The following PIGN variants were observed in gnomAD, a reference collection of about 807,000 sequenced individuals.
PIGN encodes GPI ethanolamine phosphate transferase 1.
A neutral mutation model predicts 125.4 loss-of-function variants in PIGN; 117 were observed. That is an observed-to-expected ratio of 0.93 (90% CI 0.80 to 1.09). The LOEUF (loss-of-function observed/expected upper bound fraction) is 1.09, where lower values mean the gene tolerates loss of function less well. PIGN is among the 50% of genes least tolerant of loss of function. PIGN has a pLI of 0.00. For missense variants in PIGN, 1,075 were observed against 1,094.9 expected (o/e 0.98, Z 0.26); for synonymous variants, 392 against 377.8 (o/e 1.04, Z -0.44).
chr18:62,147,258 A>AC (rs1568228842), intron 8 of PIGN, among the ~76,000 whole-genome samples, 157 bp from the exon 9 acceptor site: 1 of 151,882 alleles, frequency 6.6e-6, no homozygotes, highest in African/African-American at 2.4e-5. Flanking sequence ...TGTTAAAATA[A>AC]TTTTTTCTCC....
intron 1 of PIGN, among the ~76,000 whole-genome samples, chr18:62,171,763 G>A (rs1203192857): frequency 6.6e-6 from 1 of 152,114 alleles, no homozygotes; most frequent in Non-Finnish European, 1.5e-5. Context: ...TGTTAATGTG[G>A]TGAATTAATA....
chr18:62,120,311 A>G (rs1288009380), intron 14 of PIGN, among the ~76,000 whole-genome samples: 2 of 152,230 alleles, frequency 1.3e-5, no homozygotes, highest in Non-Finnish European at 2.9e-5. Context: ...TTCTGAAAGA[A>G]AATAACTGAC....
intron 11 of PIGN, among the ~76,000 whole-genome samples, chr18:62,141,675 T>C (rs2036141088): frequency 6.6e-6 from 1 of 152,222 alleles, no homozygotes; most frequent in Non-Finnish European, 1.5e-5. Flanking sequence ...CTCTTCTCCA[T>C]GCTGCAGCCA....
intron 6 of PIGN, 146 bp from the exon 7 acceptor site, chr18:62,154,797 G>A: frequency 1.6e-6 from 1 of 606,260 alleles, no homozygotes; most frequent in Non-Finnish European, 2.9e-6. Flanking sequence ...AAAAATGGGA[G>A]GAATAATTAA....
At chr18:62,125,157 T>TGTTTGTACATATGTGTATATACAC (rs1568203097) in intron 14 of PIGN, among the ~76,000 whole-genome samples, 1 of 100,610 alleles carries the variant, frequency 9.9e-6, no homozygotes, top group Non-Finnish European at 2.3e-5. Flanking sequence ...TGTATATACA[T>TGTTTGTACATATGTGTATATACAC]GTTTGTACAT....
At chr18:62,172,706 G>C (rs1206587480) in intron 1 of PIGN, among the ~76,000 whole-genome samples, 2 of 151,832 alleles carry the variant, frequency 1.3e-5, no homozygotes, top group Non-Finnish European at 2.9e-5. Context: ...GCTTTGCTAA[G>C]TTAAGTATCA....
At chr18:62,172,041 G>A (rs1232750934) in intron 1 of PIGN, among the ~76,000 whole-genome samples, 7 of 151,776 alleles carry the variant, frequency 4.6e-5, no homozygotes, top group Non-Finnish European at 8.8e-5. Flanking sequence ...TTCCTTTATC[G>A]AATAACAAAA....
chr18:62,071,872 A>ATATATATATATGTATATATATATATATG, intron 30 of PIGN, among the ~76,000 whole-genome samples: 1 of 19,554 alleles, frequency 5.1e-5, no homozygotes, highest in African/African-American at 3.2e-4. Context: ...CCATATATAT[A>ATATATATATATGTATATATATATATATG]TATATATATA....
intron 1 of PIGN, among the ~76,000 whole-genome samples, chr18:62,185,023 G>A (rs1453327464): frequency 6.6e-6 from 1 of 152,162 alleles, no homozygotes; most frequent in Admixed American, 6.5e-5. Flanking sequence ...ATTGGGATCT[G>A]AACTTAAGCT....
chr18:62,022,450 A>G (rs1200148958), intron 23 of PIGN, among the ~76,000 whole-genome samples: 2 of 152,248 alleles, frequency 1.3e-5, no homozygotes, highest in Non-Finnish European at 1.5e-5. Context: ...AAACTGGACA[A>G]TAAGGTTAAG....
At chr18:62,095,030 G>C (rs575098445) in intron 23 of PIGN, among the ~76,000 whole-genome samples, 7 of 152,220 alleles carry the variant, frequency 4.6e-5, no homozygotes, top group African/African-American at 1.7e-4. Flanking sequence ...ACCCCAAATG[G>C]CTTTACAAAA....
intron 1 of PIGN, among the ~76,000 whole-genome samples, chr18:62,164,890 T>C (rs562775720): frequency 3.3e-5 from 5 of 152,306 alleles, no homozygotes; most frequent in African/African-American, 1.2e-4. Context: ...TTAGTATAAA[T>C]TAGTGCAGTG....
At chr18:62,167,347 G>A (rs2037182776) in intron 1 of PIGN, among the ~76,000 whole-genome samples, 1 of 147,916 alleles carries the variant, frequency 6.8e-6, no homozygotes, top group Non-Finnish European at 1.5e-5. Context: ...TGTATTCAAA[G>A]TTGGCCAGGC....
At chr18:62,113,460 T>C in intron 15 of PIGN, 144 bp from the exon 16 acceptor site, 1 of 574,630 alleles carries the variant, frequency 1.7e-6, no homozygotes, top group South Asian at 2.8e-5. Flanking sequence ...TAAGAACAGA[T>C]TTTAATTGTT....
At chr18:62,078,238 G>C (rs1459819041) in intron 28 of PIGN, among the ~76,000 whole-genome samples, 2 of 152,212 alleles carry the variant, frequency 1.3e-5, no homozygotes, top group Non-Finnish European at 2.9e-5. Context: ...AAGGATTCTG[G>C]AGAGTGGAGC....
intron 25 of PIGN, among the ~76,000 whole-genome samples, chr18:62,087,456 G>A (rs964626925): frequency 1.3e-5 from 2 of 152,204 alleles, no homozygotes; most frequent in African/African-American, 4.8e-5. Context: ...TTAGAGGTTT[G>A]CGGATATGGC....
At chr18:62,049,802 AG>A (rs1397555949) in intron 30 of PIGN, among the ~76,000 whole-genome samples, 1 of 150,970 alleles carries the variant, frequency 6.6e-6, no homozygotes, top group Non-Finnish European at 1.5e-5. Flanking sequence ...GGTAATGCCT[AG>A]GTTTTCTTCT....
chr18:62,124,406 A>G lies in PIGN; in HGVS notation c.1173-9767T>C, dbSNP rs190072260. ...TTGAGGCAGAAGGAATGGCAAAAAA[A>G]GATACCAGATTAGGAGAGAGACTGT... is the stretch of plus-strand genomic sequence containing the variant. On this transcript the variant is annotated intron_variant, in intron 14 of 30. Coordinates refer to ENST00000640252, the MANE Select transcript of PIGN (RefSeq NM_176787.5). Among the ~76,000 whole-genome samples, 283 of 152,290 alleles carry G rather than the reference A, an allele frequency of 1.9e-3. 4 individuals are homozygous for G. In the South Asian group the frequency reaches 0.028, roughly 15 times the overall value.
At chr18:62,125,830 A>C (rs916870342) in intron 14 of PIGN, among the ~76,000 whole-genome samples, 3 of 152,118 alleles carry the variant, frequency 2.0e-5, no homozygotes, top group Non-Finnish European at 2.9e-5. Flanking sequence ...AAGTTATAAA[A>C]CTAGAATAAC....
Sources: gnomAD v4.1 joint callset for allele counts (sites outside exome capture counted in the v4.1 genomes callset) on GRCh38, gnomAD v4.1.1 for gene constraint, MANE v1.5 for transcripts, NCBI Gene and HGNC (gene_info 2026-07-23, HGNC 2026-07-21) for gene names.